DGKH: variants seen among roughly 807,000 people sequenced by gnomAD.
DGKH encodes diacylglycerol kinase eta, also known as DAG kinase eta.
In DGKH, 90 loss-of-function variants were observed where a neutral mutation model predicts 159.3. The observed-to-expected ratio is 0.57, with a 90% CI of 0.48 to 0.67. DGKH has a LOEUF of 0.67. DGKH is among the 30% of genes least tolerant of loss of function. The probability of loss-of-function intolerance (pLI) is 0.00; values close to 1 mark genes in which losing one functional copy is unlikely to be tolerated. For missense variants in DGKH, 1,181 were observed against 1,506.1 expected, an observed-to-expected ratio of 0.78 and a Z score of 3.57; for synonymous variants, 536 against 553.8, an observed-to-expected ratio of 0.97 and a Z score of 0.45.
intron 1 of DGKH, among the ~76,000 whole-genome samples, chr13:42,062,807 T>C (rs943390): frequency 0.65 from 98,903 of 152,154 alleles, 32,696 homozygotes; most frequent in East Asian, 0.96. Flanking sequence ...ATTGAATAAA[T>C]GGCATGTACT....
intron 1 of DGKH, among the ~76,000 whole-genome samples, chr13:42,093,975 A>C (rs1372245290): frequency 5.3e-5 from 8 of 152,018 alleles, no homozygotes; most frequent in Non-Finnish European, 1.2e-4. Flanking sequence ...TGTACACTTA[A>C]AAATGGTTAA....
chr13:42,047,788 C>T (rs1880897926), upstream of DGKH, among the ~76,000 whole-genome samples: 1 of 152,118 alleles, frequency 6.6e-6, no homozygotes, highest in Non-Finnish European at 1.5e-5. Context: ...TACTGGTGTT[C>T]GCATGGCTCG....
chr13:42,056,318 T>C (rs1053211626), intron 1 of DGKH, among the ~76,000 whole-genome samples: 1 of 152,316 alleles, frequency 6.6e-6, no homozygotes, highest in Non-Finnish European at 1.5e-5. Context: ...CTGTTTTATA[T>C]GAGGAAGTAC....
At chr13:42,184,675 G>A (rs1416154943) in intron 13 of DGKH, among the ~76,000 whole-genome samples, 5 of 151,770 alleles carry the variant, frequency 3.3e-5, no homozygotes, top group African/African-American at 7.3e-5. Flanking sequence ...CAGCTGGGGC[G>A]ACACAGAGAG....
chr13:42,079,041 G>A (rs1954151276), intron 1 of DGKH, among the ~76,000 whole-genome samples: 1 of 149,942 alleles, frequency 6.7e-6, no homozygotes, highest in Middle Eastern at 3.4e-3. Flanking sequence ...CTCCCGAGTA[G>A]CTGGGATTTA....
At chr13:42,173,077 TCCTC>T (rs1956505609) in intron 11 of DGKH, among the ~76,000 whole-genome samples, 1 of 152,144 alleles carries the variant, frequency 6.6e-6, no homozygotes, top group African/African-American at 2.4e-5. Context: ...GCTCAAGTGA[TCCTC>T]CCTCCTCAGC....
intron 29 of DGKH, among the ~76,000 whole-genome samples, chr13:42,249,789 GATT>G (rs1360338334): frequency 1.3e-5 from 2 of 152,116 alleles, no homozygotes; most frequent in Non-Finnish European, 2.9e-5. Flanking sequence ...ATCATTTGCA[GATT>G]ATGTTTTAAA....
intron 3 of DGKH, among the ~76,000 whole-genome samples, chr13:42,131,265 CT>C (rs1166544500): frequency 6.6e-6 from 1 of 152,004 alleles, no homozygotes; most frequent in Non-Finnish European, 1.5e-5. Flanking sequence ...TGTTGTTGTT[CT>C]TTTGTTGTGT....
intron 21 of DGKH, among the ~76,000 whole-genome samples, chr13:42,206,931 G>C (rs75966636): frequency 0.056 from 7,388 of 132,962 alleles, 365 homozygotes; most frequent in Non-Finnish European, 0.079. Flanking sequence ...GGGCAGAGAG[G>C]GGGCATTATT....
chr13:42,104,570 C>G (rs1182391050), intron 1 of DGKH, among the ~76,000 whole-genome samples: 1 of 152,134 alleles, frequency 6.6e-6, no homozygotes, highest in Non-Finnish European at 1.5e-5. Context: ...GAGGATGAAT[C>G]TTAAGTTGCA....
intron 1 of DGKH, among the ~76,000 whole-genome samples, chr13:42,112,713 C>A (rs767989480): frequency 6.6e-6 from 1 of 152,174 alleles, no homozygotes; most frequent in Non-Finnish European, 1.5e-5. Flanking sequence ...AAATGTTGAT[C>A]CCAGAAACAT....
At chr13:42,143,518 C>T (rs1955630347) in intron 3 of DGKH, among the ~76,000 whole-genome samples, 1 of 152,200 alleles carries the variant, frequency 6.6e-6, no homozygotes, top group Non-Finnish European at 1.5e-5. Context: ...AGCTGTGAAT[C>T]CGTCTGGTCC....
At position 42,199,871 on chromosome 13, in the gene DGKH, A is replaced by G; in HGVS notation, c.2455A>G (p.Arg819Gly). 6.2e-7 allele frequency: 1 copy of G among 1,612,658 alleles called. No individual in the cohort carries two copies. Among genetic ancestry groups the G allele is most frequent in the Non-Finnish European group, 8.5e-7 (1 of 1,179,368 alleles). Residue 819 changes from arginine to glycine, a missense_variant, in exon 20 of 30, where the codon AGA (arginine) becomes GGA (glycine). Arg to Gly is a moderately radical substitution (Grantham distance 125, BLOSUM62 -2). Transcript: ENST00000337343. ...GVLGTRELLQRSYKNLEQRVQ... is the reference protein window; with the variant it reads ...GVLGTRELLQGSYKNLEQRVQ... ...CCTTGGAACCCGGGAGTTATTACAG[A>G]GATCGTACAAGAATTTAGAACAAAG...
intron 3 of DGKH, among the ~76,000 whole-genome samples, chr13:42,139,405 G>A (rs937461722): frequency 1.3e-5 from 2 of 152,218 alleles, no homozygotes; most frequent in African/African-American, 2.4e-5. Flanking sequence ...CAAAGGGTCC[G>A]AGGTGGTTAA....
At chr13:42,071,362 G>A (rs1321602046) in intron 1 of DGKH, among the ~76,000 whole-genome samples, 1 of 152,182 alleles carries the variant, frequency 6.6e-6, no homozygotes, top group African/African-American at 2.4e-5. Context: ...CAACTCTGCA[G>A]ACATTTAAAG....
chr13:42,109,951 A>G (rs1446580083), intron 1 of DGKH, among the ~76,000 whole-genome samples: 1 of 152,186 alleles, frequency 6.6e-6, no homozygotes, highest in Admixed American at 6.5e-5. Context: ...ATATATGTGT[A>G]TCTATCTATA....
At chr13:42,043,688 C>A (rs927238156), upstream of DGKH, 3 of 152,130 alleles carry the variant, frequency 2.0e-5, no homozygotes, top group African/African-American at 7.2e-5. Context: ...TGCTCATTTA[C>A]ATTTATGAAA....
In DGKH at chr13:42,189,023, A is replaced by C. The variant is rs746486430; in HGVS notation, c.1639-13A>C. The C allele has an allele frequency of 1.9e-6, 3 of 1,603,560 alleles. No individual in the cohort carries two copies. Among genetic ancestry groups the C allele is most frequent in the Admixed American group, 1.7e-5 (1 of 58,886 alleles). On this transcript the variant is annotated splice_polypyrimidine_tract_variant and intron_variant, in intron 14 of 29. Coordinates refer to ENST00000337343, the MANE Select transcript of DGKH (RefSeq NM_178009.5). Reference sequence around the variant, plus strand: ...TTTTGAGTATTTTTCTCATTGCCATATTTTCCTCTCAGTGTTCAGTCCTAA... The same window carrying C: ...TTTTGAGTATTTTTCTCATTGCCATCTTTTCCTCTCAGTGTTCAGTCCTAA...
At chr13:42,045,058 G>A (rs61959178), upstream of DGKH, among the ~76,000 whole-genome samples, 22,509 of 152,156 alleles carry the variant, frequency 0.15, 1,816 homozygotes, top group African/African-American at 0.17. Context: ...TTGGGAGGCC[G>A]AAGTGGGAGG....
Sources: allele counts gnomAD v4.1 joint callset (sites outside exome capture counted in the v4.1 genomes callset), GRCh38; gene constraint gnomAD v4.1.1; transcripts MANE v1.5; gene names NCBI Gene and HGNC (gene_info 2026-07-23, HGNC 2026-07-21).